Variants in SI observed in about 807,000 individuals in gnomAD.
SI encodes sucrase-isomaltase.
SI carries 235 observed loss-of-function variants against 253.3 expected under a neutral mutation model. The observed-to-expected ratio is 0.93, with a 90% CI of 0.83 to 1.03. The LOEUF (loss-of-function observed/expected upper bound fraction) is 1.03. Ranked by LOEUF, SI falls within the 50% of genes least tolerant of loss-of-function variation. The pLI, the probability that SI is intolerant of heterozygous loss-of-function variation, is 0.00. For synonymous variants in SI, 819 were observed against 712.0 expected (o/e 1.15, Z -2.39); for missense variants, 2,442 against 2,211.1 (o/e 1.10, Z -2.09).
In SI at chr3:165,019,737, A is replaced by G. The variant is rs751976267; in HGVS notation, c.3288T>C (p.Asn1096=). 1.9e-6 allele frequency: 3 copies of G among 1,612,716 alleles called. No individual in the cohort carries two copies. The highest frequency in any genetic ancestry group is 1.1e-5 in the South Asian group (1 of 91,074). Residue 1096 remains asparagine (N), a synonymous_variant, in exon 28 of 48, where the codon AAT becomes AAC. Coordinates refer to ENST00000264382, the MANE Select transcript of SI (RefSeq NM_001041.4). ...GAGTCGATATTTGAATGAACTGGTC[A>G]TTAAAAGCAAATCCAGGCAGCCAAG... ...WDSWLPGFAF[N]DQFIQISTRL...
At chr3:165,022,432 A>G (rs564342065) in intron 26 of SI, among the ~76,000 whole-genome samples, 3 of 69,048 alleles carry the variant, frequency 4.3e-5, no homozygotes, top group African/African-American at 1.0e-4. Flanking sequence ...ATATGATTAA[A>G]AACAGACACT....
Position 164,987,128 on chromosome 3 carries a change from G to C in SI, c.5197+10C>G, listed in dbSNP as rs372197418. The C allele has an allele frequency of 2.5e-6, 4 of 1,595,172 alleles. No homozygotes were observed. Among genetic ancestry groups the C allele is most frequent in the Non-Finnish European group, 3.4e-6 (4 of 1,163,378 alleles). The stretch of plus-strand genomic sequence containing the variant: ...ATCAATTAAATTTATCTACTAAATC[G>C]AGCACTCACCTATACTCTCTCCATC... On this transcript the variant is annotated intron_variant, in intron 45 of 47. Coordinates refer to ENST00000264382, the MANE Select transcript of SI (RefSeq NM_001041.4).
rs372607865 is a variant in SI at position 165,067,330 on chromosome 3, A to G, written c.635+10T>C. On this transcript the variant is annotated intron_variant, in intron 6 of 47. Coordinates refer to ENST00000264382, the MANE Select transcript of SI (RefSeq NM_001041.4). ...AATAAACTTATATAATTGTAAAATAATACACTTACAAAGTTTTACCGTTGC... is the reference window on the plus strand; with the variant it reads ...AATAAACTTATATAATTGTAAAATAGTACACTTACAAAGTTTTACCGTTGC... 8.2e-6 allele frequency: 13 copies of G among 1,583,882 alleles called. No homozygotes were observed. The highest frequency in any genetic ancestry group is 1.1e-5 in the Non-Finnish European group (13 of 1,154,868).
Position 165,006,947 on chromosome 3 carries a change from T to C in SI, c.4275A>G (p.Thr1425=), listed in dbSNP as rs150151075. ...TGAAATGTAATCCATCAGTTCTTTT[T>C]GTGAGTTCTGGAAAGAATCAATGAA... ...LNYPPYFPEL[T]KRTDGLHFRT... Residue 1425 remains threonine, a synonymous_variant, in exon 37 of 48, where the codon ACA becomes ACG. Coordinates refer to ENST00000264382, the MANE Select transcript of SI (RefSeq NM_001041.4). 668 of 1,607,760 alleles carry C rather than the reference T, an allele frequency of 4.2e-4. 3 individuals are homozygous for C. The African/African-American group carries it at 7.7e-3, about 19-fold the overall frequency.
intron 24 of SI, among the ~76,000 whole-genome samples, chr3:165,032,266 T>C (rs1648443780): frequency 6.6e-6 from 1 of 151,144 alleles, no homozygotes. Context: ...ATAATTAGAA[T>C]GCATGAGAAA....
In SI at chr3:165,009,303, C is replaced by G. The variant is rs760213744; in HGVS notation, c.4155G>C (p.Lys1385Asn). Residue 1385 changes from lysine to asparagine, a missense_variant, in exon 35 of 48, where the codon AAG becomes AAC. Lys to Asn is a moderately conservative substitution (Grantham distance 94). Transcript: ENST00000264382. ...CAATCCACAAACCATCAAACTTCATCTTTTCATTGTAAAAGTCCACAATTT... is the reference window on the plus strand; with the variant it reads ...CAATCCACAAACCATCAAACTTCATGTTTTCATTGTAAAAGTCCACAATTT... ...AREIVDFYNEKMKFDGLWIDM... is the reference protein window; with the variant it reads ...AREIVDFYNENMKFDGLWIDM... 8.7e-6 allele frequency: 14 copies of G among 1,610,196 alleles called. No homozygotes were observed. The Admixed American group carries it at 1.3e-4, about 15-fold the overall frequency.
At chr3:165,030,591 A>G (rs1712176476) in intron 25 of SI, 121 bp downstream of exon 25, 1 of 1,053,794 alleles carries the variant, frequency 9.5e-7, no homozygotes, top group South Asian at 1.4e-5. Context: ...TTCAAATTCC[A>G]AATGATTATC....
chr3:165,087,723 T>G, the SI span, among the ~76,000 whole-genome samples: 1 of 152,296 alleles, frequency 6.6e-6, no homozygotes, highest in South Asian at 2.1e-4. Flanking sequence ...GATATCCCAG[T>G]TTAATTTTGC....
chr3:164,998,969 A>C (rs1396899859), intron 37 of SI, among the ~76,000 whole-genome samples: 1 of 151,800 alleles, frequency 6.6e-6, no homozygotes, highest in African/African-American at 2.4e-5. Flanking sequence ...GAAATCAACA[A>C]ATTCATCACA....
chr3:164,989,482 A>G (rs1337675628), intron 44 of SI, among the ~76,000 whole-genome samples: 5 of 151,670 alleles, frequency 3.3e-5, no homozygotes, highest in Non-Finnish European at 7.4e-5. Flanking sequence ...GGAGAAGAGA[A>G]GAGAAGAAAT....
Position 164,996,538 on chromosome 3 carries a change from A to T in SI, c.4689T>A (p.Thr1563=). 6.9e-7 allele frequency: 1 copy of T among 1,449,662 alleles called. No individual in the cohort carries two copies. Among genetic ancestry groups the T allele is most frequent in the Non-Finnish European group, 9.7e-7 (1 of 1,030,836 alleles). 89.8% of individuals were successfully genotyped at this position (1,449,662 alleles called of 1,614,324 possible). The change falls in exon 40 of 48, where the codon ACT becomes ACA. Residue 1563 remains threonine, a synonymous_variant. Transcript: ENST00000264382. ...AGTAAATGTAGTAATTACATACTCT[A>T]GTATTTGCAATGTTGTGATTCCTTG... The part of the protein sequence containing the change: ...PYSRNHNIAN[T]RRQDPASWNE...
chr3:165,029,236 C>A (rs190514009), intron 25 of SI, among the ~76,000 whole-genome samples: 5 of 150,596 alleles, frequency 3.3e-5, no homozygotes, highest in South Asian at 2.1e-4. Flanking sequence ...TGTAATACCA[C>A]CTTACTCCTT....
Position 165,068,840 on chromosome 3 carries a change from A to AT in SI, c.374-10dup. 1.3e-6 allele frequency: 2 copies of AT among 1,519,960 alleles called. No individual in the cohort carries two copies. The highest frequency in any genetic ancestry group is 1.8e-6 in the Non-Finnish European group (2 of 1,121,832). 94.2% of individuals were successfully genotyped at this position (1,519,960 alleles called of 1,614,324 possible). A position where few individuals can be genotyped will look rare whatever the true frequency, so the allele number is the denominator to read the frequency against. ...TAATTTGGCTTCAACTCCTTAAAGA[A>AT]TAAAAAAAAGCTGCCATGAGTGACT... On this transcript the variant is annotated splice_polypyrimidine_tract_variant and intron_variant, in intron 4 of 47. Transcript: ENST00000264382.
chr3:165,059,810 A>T (rs1459859387), intron 10 of SI, 92 bp downstream of exon 10: 7 of 1,261,626 alleles, frequency 5.5e-6, no homozygotes, highest in Non-Finnish European at 8.1e-6. Context: ...TATAATGTAT[A>T]TAGTAGATAC....
At chr3:164,995,801 A>G (rs554567950) in intron 40 of SI, among the ~76,000 whole-genome samples, 67 of 151,934 alleles carry the variant, frequency 4.4e-4, no homozygotes, top group Admixed American at 2.4e-3. Context: ...ATTTATTTGT[A>G]TCTGACCTAT....
chr3:165,069,317 A>G lies in SI; in HGVS notation c.256-122T>C, dbSNP rs1576922079. On this transcript the variant is annotated intron_variant, in intron 3 of 47. Transcript: ENST00000264382. The stretch of plus-strand genomic sequence containing the variant: ...ACTTTTTCAAATGTATAATATGCCA[A>G]AATAGCATTTGCTCTTTTGTTTCTT... 8.5e-6 allele frequency: 6 copies of G among 705,630 alleles called. 1 individual carries two copies. Among genetic ancestry groups the G allele is most frequent in the East Asian group, 2.7e-5 (1 of 36,684 alleles). 43.7% of individuals were successfully genotyped at this position (705,630 alleles called of 1,614,324 possible).
intron 37 of SI, 65 bp downstream of exon 37, chr3:165,006,751 A>T: frequency 7.1e-7 from 1 of 1,409,220 alleles, no homozygotes. Context: ...TGTTAAAATG[A>T]TAACATTAAA....
At chr3:165,017,068 A>T (rs1280481245) in intron 31 of SI, among the ~76,000 whole-genome samples, 3 of 151,904 alleles carry the variant, frequency 2.0e-5, no homozygotes, top group Admixed American at 2.0e-4. Flanking sequence ...TCATTTGTGG[A>T]TACTTTGGAA....
At position 165,017,506 on chromosome 3, in the gene SI, C is replaced by G. The variant is rs184662363; in HGVS notation, c.3759+42G>C. The G allele has an allele frequency of 3.8e-4, 593 of 1,573,386 alleles. 3 individuals are homozygous for G. The African/African-American group carries it at 7.2e-3, about 19-fold the overall frequency. ...GTTTAATTATTTCATTCTACTTTTA[C>G]GTATTCCATATTTAACATTGTTTTA... On this transcript the variant is annotated intron_variant, in intron 31 of 47. Transcript: ENST00000264382.
Sources: allele counts gnomAD v4.1 joint callset (sites outside exome capture counted in the v4.1 genomes callset), GRCh38; gene constraint gnomAD v4.1.1; transcripts MANE v1.5; gene names NCBI Gene and HGNC (gene_info 2026-07-23, HGNC 2026-07-21).